The following PPARA variants were observed in gnomAD, a reference collection of about 807,000 sequenced individuals.
PPARA encodes peroxisome proliferator activated receptor alpha, also known as peroxisome proliferator-activated receptor alpha.
In PPARA, 22 loss-of-function variants were observed where a neutral mutation model predicts 42.2. The observed-to-expected ratio is 0.52, with a 90% CI of 0.37 to 0.74. The LOEUF is 0.74. Among genes scored for constraint, PPARA ranks in the 30% least tolerant of loss-of-function variants. PPARA has a pLI of 0.00. For synonymous variants in PPARA, 242 were observed against 239.3 expected (o/e 1.01, Z -0.10); for missense variants, 465 against 608.2 (o/e 0.76, Z 2.48).
chr22:46,211,565 C>T lies in PPARA; in HGVS notation c.209-3608C>T, dbSNP rs990743851. Among the ~76,000 whole-genome samples the T allele has an allele frequency of 6.6e-6, 1 of 152,184 alleles. No individual in the cohort carries two copies. The highest frequency in any genetic ancestry group is 1.5e-5 in the Non-Finnish European group (1 of 68,048). Reference sequence around the variant, plus strand: ...ACATTCTGCATTTCACCCTGGGATCCTCCAACCTCCTAAGTTATTTTTGTT... The same window carrying T: ...ACATTCTGCATTTCACCCTGGGATCTTCCAACCTCCTAAGTTATTTTTGTT... On this transcript the variant is annotated intron_variant, in intron 4 of 8. Transcript: ENST00000407236. The surrounding 1 kb of genome is among the most constrained non-coding windows in gnomAD (Gnocchi z 4.1).
chr22:46,236,818 T>C lies in PPARA; in HGVS notation c.*1438T>C, dbSNP rs1936228064. The C allele has an allele frequency of 6.6e-6, 1 of 152,260 alleles. No homozygotes were observed. The highest frequency in any genetic ancestry group is 1.5e-5 in the Non-Finnish European group (1 of 68,030). 9.4% of individuals were successfully genotyped at this position (152,260 alleles called of 1,614,324 possible). A position where few individuals can be genotyped will look rare whatever the true frequency, so the allele number is the denominator to read the frequency against. ...TGGCAGATTTCACAAGAGTTGGTTA[T>C]TTTTTACAATGGTTTAGGTTGTTAA... On this transcript the variant is annotated 3_prime_UTR_variant, in exon 9 of 9. Transcript: ENST00000407236. This position sits in a 1 kb window ranked among gnomAD's most constrained non-coding sequence, Gnocchi z 5.2.
intron 7 of PPARA, chr22:46,220,240 A>G: frequency 1.7e-6 from 1 of 602,556 alleles, no homozygotes; most frequent in Non-Finnish European, 2.9e-6. Context: ...CAACTAAGTT[A>G]TTATACTGGC....
Position 46,222,443 on chromosome 22 carries a change from CTACT to C in PPARA, c.711+2435_711+2438del, listed in dbSNP as rs1935076841. Reference sequence around the variant, plus strand: ...ACAGGAAAATAAAGCATTTCACAAGCTACTTACTTTCATGAACAAACCAAACCTC... The same window carrying C: ...ACAGGAAAATAAAGCATTTCACAAGCTACTTTCATGAACAAACCAAACCTC... On this transcript the variant is annotated intron_variant, in intron 7 of 8. Transcript: ENST00000407236. The surrounding 1 kb of genome is among the most constrained non-coding windows in gnomAD (Gnocchi z 5.9). Among the ~76,000 whole-genome samples, 1 of 152,178 alleles carries C rather than the reference CTACT, an allele frequency of 6.6e-6. No individual in the cohort carries two copies. Among genetic ancestry groups the C allele is most frequent in the Admixed American group, 6.5e-5 (1 of 15,274 alleles).
intron 4 of PPARA, among the ~76,000 whole-genome samples, chr22:46,205,544 A>G (rs1423418947): frequency 1.3e-4 from 4 of 30,290 alleles, no homozygotes; most frequent in African/African-American, 6.8e-4. Context: ...ATATATATAT[A>G]TATATATATA....
intron 4 of PPARA, among the ~76,000 whole-genome samples, chr22:46,206,926 G>A (rs1442246518): frequency 6.6e-6 from 1 of 151,936 alleles, no homozygotes; most frequent in Non-Finnish European, 1.5e-5. Flanking sequence ...ATTCTAGAAA[G>A]TATGTGATTC....
intron 2 of PPARA, chr22:46,155,020 AAAAAAAAC>A (rs985254172): frequency 7.0e-5 from 10 of 143,610 alleles, no homozygotes; most frequent in Admixed American, 1.4e-4. Flanking sequence ...AAAAAAAAAA[AAAAAAAAC>A]CACATTAATT....
In PPARA at chr22:46,173,138, C is replaced by T. The variant is rs776839934; in HGVS notation, c.-126-3615C>T. Reference sequence around the variant, plus strand: ...TTGGTTTATTGTTAACCGATGTTTGCTAAATGTTTGAATTATGTTGAGTTG... The same window carrying T: ...TTGGTTTATTGTTAACCGATGTTTGTTAAATGTTTGAATTATGTTGAGTTG... On this transcript the variant is annotated intron_variant, in intron 2 of 8. Coordinates refer to ENST00000407236, the MANE Select transcript of PPARA (RefSeq NM_005036.6). This position sits in a 1 kb window ranked among gnomAD's most constrained non-coding sequence, Gnocchi z 4.3. Among the ~76,000 whole-genome samples, 1 of 152,206 alleles carries T rather than the reference C, an allele frequency of 6.6e-6. No individual in the cohort carries two copies. The highest frequency in any genetic ancestry group is 2.4e-5 in the African/African-American group (1 of 41,442).
chr22:46,208,547 CAAA>C (rs61164866), intron 4 of PPARA, among the ~76,000 whole-genome samples: 10 of 105,656 alleles, frequency 9.5e-5, no homozygotes, highest in Admixed American at 1.0e-4. Flanking sequence ...GACTCCATCT[CAAA>C]AAAAAAAAAA....
At chr22:46,207,788 A>C (rs973021431) in intron 4 of PPARA, among the ~76,000 whole-genome samples, 1 of 149,050 alleles carries the variant, frequency 6.7e-6, no homozygotes, top group Non-Finnish European at 1.5e-5. Flanking sequence ...GTCTCAAGCA[A>C]TCGTCCTGCC....
chr22:46,163,529 C>T lies in PPARA; in HGVS notation c.-127+11559C>T, dbSNP rs1260658245. Reference sequence around the variant, plus strand: ...GTCACATAAGCGGGAAGAGCAGGCTCCTGGCTGTGGCGAGCTTGACTCCAT... The same window carrying T: ...GTCACATAAGCGGGAAGAGCAGGCTTCTGGCTGTGGCGAGCTTGACTCCAT... On this transcript the variant is annotated intron_variant, in intron 2 of 8. Transcript: ENST00000407236. This position sits in a 1 kb window ranked among gnomAD's most constrained non-coding sequence, Gnocchi z 4.9. 6.6e-6 allele frequency: 1 copy of T among 152,230 alleles called. No homozygotes were observed. The highest frequency in any genetic ancestry group is 6.5e-5 in the Admixed American group (1 of 15,278). The allele number at this position is 152,230 out of a possible 1,614,324, so 9.4% of individuals were successfully genotyped here. A position where few individuals can be genotyped will look rare whatever the true frequency, so the allele number is the denominator to read the frequency against.
intron 2 of PPARA, among the ~76,000 whole-genome samples, chr22:46,172,487 G>A (rs1438813698): frequency 6.6e-5 from 10 of 152,076 alleles, no homozygotes; most frequent in Non-Finnish European, 1.2e-4. Flanking sequence ...GCATGGTGGC[G>A]TGTGACTATA....
Position 46,169,996 on chromosome 22 carries a change from T to G in PPARA, c.-126-6757T>G, listed in dbSNP as rs114016983. On this transcript the variant is annotated intron_variant, in intron 2 of 8. Transcript: ENST00000407236. ...CTGTTCAATGCACTCCCTCCCAGGC[T>G]GTCATGGGATGCACTTCAGGAACTT... Among the ~76,000 whole-genome samples the G allele has an allele frequency of 2.3e-3, 349 of 152,182 alleles. 7 individuals carry two copies. The highest frequency in any genetic ancestry group is 0.01 in the Middle Eastern group (3 of 294).
In PPARA at chr22:46,190,989, A is replaced by C. The variant is rs192949358; in HGVS notation, c.-42-7353A>C. 8.1e-4 allele frequency among the ~76,000 whole-genome samples: 123 copies of C among 152,254 alleles called. No homozygotes were observed. Among genetic ancestry groups the C allele is most frequent in the African/African-American group, 2.9e-3 (120 of 41,556 alleles). On this transcript the variant is annotated intron_variant, in intron 3 of 8. Transcript: ENST00000407236. This position sits in a 1 kb window ranked among gnomAD's most constrained non-coding sequence, Gnocchi z 5.6. ...GCGGATTACCTGAGGTCAGGTGTTC[A>C]AAACCAGCCTGGCCAAACATGGTGA...
chr22:46,210,572 A>G (rs559224857), intron 4 of PPARA, among the ~76,000 whole-genome samples: 1 of 151,944 alleles, frequency 6.6e-6, no homozygotes, highest in East Asian at 2.0e-4. Context: ...CCTCCCAGGT[A>G]GCTGGGATTA....
Position 46,198,698 on chromosome 22 carries a change from T to C in PPARA, c.208+107T>C, listed in dbSNP as rs569352663. The C allele has an allele frequency of 2.0e-4, 234 of 1,181,440 alleles. No homozygotes were observed. In the East Asian group the frequency reaches 6.0e-3, roughly 30 times the overall value. The allele number at this position is 1,181,440 out of a possible 1,614,324, so 73.2% of individuals were successfully genotyped here. A position where few individuals can be genotyped will look rare whatever the true frequency, so the allele number is the denominator to read the frequency against. On this transcript the variant is annotated intron_variant, in intron 4 of 8. Coordinates refer to ENST00000407236, the MANE Select transcript of PPARA (RefSeq NM_005036.6). ...TTTTTTGAGACGGAGTCTCGCTCTG[T>C]CGCCCAGGCTGGAGTGCAATGGCTC...
intron 2 of PPARA, among the ~76,000 whole-genome samples, chr22:46,172,185 C>G (rs921018201): frequency 6.6e-6 from 1 of 152,020 alleles, no homozygotes; most frequent in Middle Eastern, 3.2e-3. Context: ...GGTGAGGAAC[C>G]TGGCAGCCGT....
chr22:46,207,677 A>ATTATTTT (rs1555951376), intron 4 of PPARA, among the ~76,000 whole-genome samples: 13 of 50,722 alleles, frequency 2.6e-4, no homozygotes, highest in Non-Finnish European at 4.3e-4. Flanking sequence ...TATTATTATT[A>ATTATTTT]TTTTTTTTTT....
chr22:46,157,321 G>A (rs1443449343), intron 2 of PPARA, among the ~76,000 whole-genome samples: 1 of 152,190 alleles, frequency 6.6e-6, no homozygotes, highest in Non-Finnish European at 1.5e-5. Context: ...GCTGAAGGGG[G>A]AGGCACCTAA....
In PPARA at chr22:46,174,236, G is replaced by GAGAA. The variant is rs1569196762; in HGVS notation, c.-126-2504_-126-2501dup. Among the ~76,000 whole-genome samples, 27 of 139,746 alleles carry GAGAA rather than the reference G, an allele frequency of 1.9e-4. 1 individual carries two copies. The highest frequency in any genetic ancestry group is 1.2e-3 in the South Asian group (5 of 4,134). 91.7% of individuals were successfully genotyped at this position (139,746 alleles called of 152,430 possible). A position where few individuals can be genotyped will look rare whatever the true frequency, so the allele number is the denominator to read the frequency against. On this transcript the variant is annotated intron_variant, in intron 2 of 8. Coordinates refer to ENST00000407236, the MANE Select transcript of PPARA (RefSeq NM_005036.6). ...AGAGAGAGGGAGAAAGAAAGAGAGAGAGAAAGAAAGAAAGAAGGAAGGAAG... is the reference window on the plus strand; with the variant it reads ...AGAGAGAGGGAGAAAGAAAGAGAGAGAGAAAGAAAGAAAGAAAGAAGGAAGGAAG...
Sources: gnomAD v4.1 joint callset for allele counts (sites outside exome capture counted in the v4.1 genomes callset) on GRCh38, gnomAD v4.1.1 for gene constraint, Gnocchi (gnomAD v3.1) non-coding constraint, MANE v1.5 for transcripts, NCBI Gene and HGNC (gene_info 2026-07-23, HGNC 2026-07-21) for gene names.